GNAI1: variants seen among roughly 807,000 people sequenced by gnomAD.
GNAI1 encodes the protein guanine nucleotide-binding protein G(i) subunit alpha-1.
In GNAI1, 11 loss-of-function variants were observed where a neutral mutation model predicts 38.9. The ratio of observed to expected loss-of-function variants is 0.28; its 90% CI spans 0.18 to 0.47. GNAI1 has a LOEUF of 0.47. Ranked by LOEUF, GNAI1 falls within the 20% of genes least tolerant of loss-of-function variation. The pLI, the probability that GNAI1 is intolerant of heterozygous loss-of-function variation, is 0.99. For synonymous variants in GNAI1, 166 were observed against 145.1 expected (o/e 1.14, Z -1.04); for missense variants, 317 against 436.9 (o/e 0.73, Z 2.45).
At chr7:80,177,025 T>C (rs994310330) in intron 1 of GNAI1, among the ~76,000 whole-genome samples, 1 of 19,068 alleles carries the variant, frequency 5.2e-5, no homozygotes, top group Non-Finnish European at 1.1e-4. Flanking sequence ...ACAGCATATC[T>C]TTTTTTTTTT....
chr7:80,204,956 GTAT>G (rs767038327), intron 5 of GNAI1, among the ~76,000 whole-genome samples: 4 of 151,940 alleles, frequency 2.6e-5, no homozygotes, highest in Non-Finnish European at 4.4e-5. Flanking sequence ...TTGCTTCTTA[GTAT>G]TATTTATTTC....
chr7:80,186,476 A>C (rs1261802207), intron 1 of GNAI1, among the ~76,000 whole-genome samples: 1 of 152,192 alleles, frequency 6.6e-6, no homozygotes, highest in Non-Finnish European at 1.5e-5. Context: ...GATAATATCT[A>C]ATAGCAGGAA....
chr7:80,215,478 A>G (rs981883629), intron 7 of GNAI1, among the ~76,000 whole-genome samples: 2 of 152,218 alleles, frequency 1.3e-5, no homozygotes, highest in African/African-American at 4.8e-5. Context: ...TAAAAGAGTT[A>G]AAATGTAAAC....
At chr7:80,163,789 T>C (rs1027514224) in intron 1 of GNAI1, among the ~76,000 whole-genome samples, 12 of 152,282 alleles carry the variant, frequency 7.9e-5, no homozygotes, top group African/African-American at 1.4e-4. Context: ...AGGCCAGCCT[T>C]GTATTCTTGT....
At chr7:80,189,872 A>G (rs551000711) in intron 3 of GNAI1, among the ~76,000 whole-genome samples, 1 of 152,152 alleles carries the variant, frequency 6.6e-6, no homozygotes, top group South Asian at 2.1e-4. Context: ...GTGCCTCCTC[A>G]TTTGGCCCAA....
At chr7:80,177,414 A>G (rs557784626) in intron 1 of GNAI1, among the ~76,000 whole-genome samples, 1 of 152,220 alleles carries the variant, frequency 6.6e-6, no homozygotes, top group African/African-American at 2.4e-5. Flanking sequence ...ATTCTTTTCA[A>G]TATATTTCTG....
At chr7:80,146,482 C>T (rs111354334) in intron 1 of GNAI1, among the ~76,000 whole-genome samples, 7 of 152,130 alleles carry the variant, frequency 4.6e-5, no homozygotes, top group Admixed American at 1.3e-4. Flanking sequence ...GTTTTTTTCC[C>T]ACAATTATTC....
At chr7:80,189,264 T>A (rs372070076) in intron 3 of GNAI1, 33 bp downstream of exon 3, 1 of 1,589,018 alleles carries the variant, frequency 6.3e-7, no homozygotes, top group Non-Finnish European at 8.6e-7. Flanking sequence ...GCTGACCTGA[T>A]GGGTAAAAAG....
At chr7:80,143,738 A>T (rs1787567235) in intron 1 of GNAI1, among the ~76,000 whole-genome samples, 1 of 152,154 alleles carries the variant, frequency 6.6e-6, no homozygotes, top group East Asian at 1.9e-4. Context: ...AAAGTAAGCT[A>T]ATGCATCTGA....
At position 80,220,462 on chromosome 7, in the gene GNAI1, A is replaced by G. The variant is rs906255135; in HGVS notation, c.*2969A>G. On this transcript the variant is annotated 3_prime_UTR_variant, in exon 8 of 8. Coordinates refer to ENST00000649796, the MANE Select transcript of GNAI1 (RefSeq NM_002069.6). ...CTACATGATTCTGATAGAGCTGCCA[A>G]TCGCATTTCTTACTTCTCCGTCTCT... 1.3e-5 allele frequency among the ~76,000 whole-genome samples: 2 copies of G among 152,164 alleles called. No individual in the cohort carries two copies. The highest frequency in any genetic ancestry group is 4.8e-5 in the African/African-American group (2 of 41,448).
chr7:80,149,249 G>C (rs1003302045), intron 1 of GNAI1, among the ~76,000 whole-genome samples: 1 of 152,004 alleles, frequency 6.6e-6, no homozygotes, highest in Non-Finnish European at 1.5e-5. Flanking sequence ...TCCATAATTT[G>C]TTTAATCACA....
intron 1 of GNAI1, among the ~76,000 whole-genome samples, chr7:80,177,338 T>C (rs1240960944): frequency 6.6e-6 from 1 of 152,122 alleles, no homozygotes; most frequent in African/African-American, 2.4e-5. Context: ...CCAGCGTATC[T>C]TTTTAGAGCG....
intron 1 of GNAI1, among the ~76,000 whole-genome samples, chr7:80,146,802 C>A (rs1787631037): frequency 6.6e-6 from 1 of 152,188 alleles, no homozygotes; most frequent in Non-Finnish European, 1.5e-5. Flanking sequence ...TTCATGAAAC[C>A]TATCACTTTA....
At chr7:80,140,053 C>T (rs926638001) in intron 1 of GNAI1, among the ~76,000 whole-genome samples, 1 of 150,770 alleles carries the variant, frequency 6.6e-6, no homozygotes, top group Non-Finnish European at 1.5e-5. Flanking sequence ...GCGCAGTCTC[C>T]GCTCACTGCA....
At chr7:80,145,378 T>C (rs1269068247) in intron 1 of GNAI1, among the ~76,000 whole-genome samples, 1 of 152,164 alleles carries the variant, frequency 6.6e-6, no homozygotes, top group Non-Finnish European at 1.5e-5. Flanking sequence ...GTGGTGTTTA[T>C]TCCCGTGTAC....
In GNAI1 at chr7:80,226,123, C is replaced by G. The variant is rs1789153595; in HGVS notation, c.*8630C>G. Among the ~76,000 whole-genome samples the G allele has an allele frequency of 6.6e-6, 1 of 152,088 alleles. No homozygotes were observed. The highest frequency in any genetic ancestry group is 1.5e-5 in the Non-Finnish European group (1 of 68,020). ...GAAAAAAAAAGACTAGATTTTATAT[C>G]AACTTAATTGTCTTTTGGTTTAAAA... On this transcript the variant is annotated 3_prime_UTR_variant, in exon 8 of 8. Coordinates refer to ENST00000649796, the MANE Select transcript of GNAI1 (RefSeq NM_002069.6).
chr7:80,174,068 C>T (rs753513378), intron 1 of GNAI1, among the ~76,000 whole-genome samples: 12 of 151,980 alleles, frequency 7.9e-5, no homozygotes, highest in African/African-American at 2.7e-4. Flanking sequence ...TAATTTGCTT[C>T]GACTAGGAGT....
chr7:80,183,168 CGT>C (rs1562834769), intron 1 of GNAI1, among the ~76,000 whole-genome samples: 2 of 152,022 alleles, frequency 1.3e-5, no homozygotes, highest in African/African-American at 4.8e-5. Context: ...GAAAGAGAAA[CGT>C]ATTTCCAATT....
At position 80,199,206 on chromosome 7, in the gene GNAI1, A is replaced by T; in HGVS notation, c.304-19A>T. 6.4e-7 allele frequency: 1 copy of T among 1,565,130 alleles called. No homozygotes were observed. The highest frequency in any genetic ancestry group is 1.2e-5 in the South Asian group (1 of 82,770). The stretch of plus-strand genomic sequence containing the variant: ...TGACGTATCCCTTTTTACTTAAAAA[A>T]TGTCCTTTGAATGTTCAGGATGATG... On this transcript the variant is annotated intron_variant, in intron 3 of 7. Transcript: ENST00000649796.
Sources: gnomAD v4.1 joint callset for allele counts (sites outside exome capture counted in the v4.1 genomes callset) on GRCh38, gnomAD v4.1.1 for gene constraint, MANE v1.5 for transcripts, NCBI Gene and HGNC (gene_info 2026-07-23, HGNC 2026-07-21) for gene names.